Variants in TDRD9 observed in about 807,000 individuals in gnomAD.
TDRD9 encodes the protein ATP-dependent RNA helicase TDRD9.
In TDRD9, 124 loss-of-function variants were observed where a neutral mutation model predicts 172.6. That is an observed-to-expected ratio of 0.72 (90% CI 0.62 to 0.83). The LOEUF (loss-of-function observed/expected upper bound fraction) is 0.83, where lower values mean the gene tolerates loss of function less well. Among genes scored for constraint, TDRD9 ranks in the 40% least tolerant of loss-of-function variants. The pLI, the probability that TDRD9 is intolerant of heterozygous loss-of-function variation, is 0.00. For synonymous variants in TDRD9, 619 were observed against 617.1 expected (o/e 1.00, Z -0.05); for missense variants, 1,479 against 1,714.1 (o/e 0.86, Z 2.42).
At chr14:104,022,071 A>C (rs939602785) in intron 23 of TDRD9, 86 bp from the exon 24 acceptor site, 1 of 1,056,296 alleles carries the variant, frequency 9.5e-7, no homozygotes, top group Non-Finnish European at 1.4e-6. Context: ...GAGATGTGAC[A>C]GAATTTCTGT....
intron 24 of TDRD9, 148 bp downstream of exon 24, chr14:104,022,478 G>A: frequency 2.4e-6 from 2 of 830,656 alleles, no homozygotes; most frequent in Non-Finnish European, 3.7e-6. Flanking sequence ...CACTCATCCA[G>A]CACTTTGCGA....
rs1595897968 is a variant in TDRD9 at position 103,943,490 on chromosome 14, C to T, written c.216-12174C>T. Among the ~76,000 whole-genome samples, 3 of 148,332 alleles carry T rather than the reference C, an allele frequency of 2.0e-5. No individual in the cohort carries two copies. In the South Asian group the frequency reaches 6.3e-4, roughly 31 times the overall value. On this transcript the variant is annotated intron_variant, in intron 1 of 35. Transcript: ENST00000409874. ...AATATACACACATATATAATACACACATATATACACACACACATACATTTC... is the reference window on the plus strand; with the variant it reads ...AATATACACACATATATAATACACATATATATACACACACACATACATTTC...
At chr14:103,991,250 T>G (rs1041183602) in intron 9 of TDRD9, 26 bp downstream of exon 9, 2 of 1,612,934 alleles carry the variant, frequency 1.2e-6, no homozygotes, top group African/African-American at 2.7e-5. Flanking sequence ...TTTTGTGACT[T>G]GGAATCATAA....
intron 6 of TDRD9, among the ~76,000 whole-genome samples, chr14:103,973,528 T>C (rs970251625): frequency 6.6e-6 from 1 of 152,220 alleles, no homozygotes; most frequent in African/African-American, 2.4e-5. Context: ...GGGTGTCTGC[T>C]GACTTGCCTG....
At chr14:103,929,807 A>G (rs548792098) in intron 1 of TDRD9, among the ~76,000 whole-genome samples, 120 of 152,354 alleles carry the variant, frequency 7.9e-4, no homozygotes, top group African/African-American at 2.7e-3. Flanking sequence ...GGCGTGAGCC[A>G]CTGCGCCCGG....
rs574157358 is a variant in TDRD9 at position 103,977,861 on chromosome 14, G to A, written c.1011+2308G>A. 5.3e-5 allele frequency among the ~76,000 whole-genome samples: 8 copies of A among 151,452 alleles called. No homozygotes were observed. The East Asian group carries it at 9.7e-4, about 18-fold the overall frequency. On this transcript the variant is annotated intron_variant, in intron 7 of 35. Transcript: ENST00000409874. ...ATTTTTGTGTATATTGAGAGAGAGG[G>A]GTTTAGTTTTATTTTTCTGCATCTG...
intron 23 of TDRD9, among the ~76,000 whole-genome samples, chr14:104,019,754 C>T (rs765976485): frequency 6.6e-6 from 1 of 152,214 alleles, no homozygotes; most frequent in Non-Finnish European, 1.5e-5. Flanking sequence ...CATGTTCTCC[C>T]ATAAGAAGCT....
chr14:104,031,939 C>T, intron 29 of TDRD9, 78 bp from the exon 30 acceptor site: 3 of 939,586 alleles, frequency 3.2e-6, no homozygotes, highest in South Asian at 1.8e-5. Context: ...AAAGAATGAG[C>T]TGACTTTTGA....
In TDRD9 at chr14:104,006,433, C is replaced by T. The variant is rs760622586; in HGVS notation, c.1758C>T (p.Pro586=). The change falls in exon 16 of 36, where the codon CCC becomes CCT. Residue 586 remains proline, a synonymous_variant. Coordinates refer to ENST00000409874, the MANE Select transcript of TDRD9 (RefSeq NM_153046.3). ...GTGGGCAGAGAGAAGATGAAAACCC[C>T]CATGATGGTGAATTGACCTTCTTAG... ...AVSGQREDEN[P]HDGELTFLGR... The T allele has an allele frequency of 8.1e-6, 13 of 1,613,774 alleles. No homozygotes were observed. Among genetic ancestry groups the T allele is most frequent in the Admixed American group, 5.0e-5 (3 of 60,004 alleles).
At position 104,032,103 on chromosome 14, in the gene TDRD9, G is replaced by C. The variant is rs779682985; in HGVS notation, c.3509+16G>C. On this transcript the variant is annotated intron_variant, in intron 30 of 35. Transcript: ENST00000409874. Reference sequence around the variant, plus strand: ...CCAAATTCAGGTATGATTAACTTAAGTTTTCCATGAATTTTTTTTCTCTGC... The same window carrying C: ...CCAAATTCAGGTATGATTAACTTAACTTTTCCATGAATTTTTTTTCTCTGC... 41 of 1,515,220 alleles carry C rather than the reference G, an allele frequency of 2.7e-5. No individual in the cohort carries two copies. Among genetic ancestry groups the C allele is most frequent in the Non-Finnish European group, 3.6e-5 (41 of 1,124,152 alleles). 93.9% of individuals were successfully genotyped at this position (1,515,220 alleles called of 1,614,324 possible). A position where few individuals can be genotyped will look rare whatever the true frequency, so the allele number is the denominator to read the frequency against.
chr14:104,045,957 C>G (rs2035761737), intron 34 of TDRD9, among the ~76,000 whole-genome samples: 1 of 152,122 alleles, frequency 6.6e-6, no homozygotes, highest in African/African-American at 2.4e-5. Context: ...GACTAAGACA[C>G]TACTTTATCT....
At chr14:103,977,829 T>A (rs1185309274) in intron 7 of TDRD9, among the ~76,000 whole-genome samples, 1 of 152,162 alleles carries the variant, frequency 6.6e-6, no homozygotes, top group East Asian at 1.9e-4. Flanking sequence ...AAATCCATTT[T>A]GAGTTGATTT....
chr14:104,008,403 A>G lies in TDRD9; in HGVS notation c.2053-10A>G, dbSNP rs372442128. 1.2e-4 allele frequency: 173 copies of G among 1,424,194 alleles called. No individual in the cohort carries two copies. Among genetic ancestry groups the G allele is most frequent in the Non-Finnish European group, 1.6e-4 (162 of 1,011,220 alleles). 88.2% of individuals were successfully genotyped at this position (1,424,194 alleles called of 1,614,324 possible). A position where few individuals can be genotyped will look rare whatever the true frequency, so the allele number is the denominator to read the frequency against. ...TTAATATTGAGTATTCTGCTTTTAT[A>G]TATTTAAAGGATGAACTTAATTGGG... On this transcript the variant is annotated splice_polypyrimidine_tract_variant and intron_variant, in intron 19 of 35. Transcript: ENST00000409874.
At chr14:103,962,807 G>A (rs1425869398) in intron 2 of TDRD9, among the ~76,000 whole-genome samples, 1 of 152,090 alleles carries the variant, frequency 6.6e-6, no homozygotes, top group Non-Finnish European at 1.5e-5. Flanking sequence ...CAAAGGACAT[G>A]ATTTCATTCT....
At chr14:104,033,439 C>CAGCT (rs1566797341) in intron 30 of TDRD9, among the ~76,000 whole-genome samples, 1 of 152,208 alleles carries the variant, frequency 6.6e-6, no homozygotes, top group East Asian at 1.9e-4. Flanking sequence ...GATACAGAAA[C>CAGCT]AGCTTCACCA....
chr14:104,000,896 GTATATTCAAAATTTC>G (rs1217092669), intron 13 of TDRD9, among the ~76,000 whole-genome samples: 1 of 152,130 alleles, frequency 6.6e-6, no homozygotes, highest in Non-Finnish European at 1.5e-5. Context: ...CTACCTTTTT[GTATATTCAAAATTTC>G]TATAATTAGA....
At position 103,971,172 on chromosome 14, in the gene TDRD9, G is replaced by A. The variant is rs111966813; in HGVS notation, c.846+551G>A. ...CTAATTTTTTGTATTTTTAGTAGAG[G>A]CGGGGTTTCATCGTGTTAGCCAGGA... On this transcript the variant is annotated intron_variant, in intron 6 of 35. Transcript: ENST00000409874. Among the ~76,000 whole-genome samples, 723 of 150,382 alleles carry A rather than the reference G, an allele frequency of 4.8e-3. 2 individuals carry two copies. Among genetic ancestry groups the A allele is most frequent in the Non-Finnish European group, 6.7e-3 (452 of 67,662 alleles).
chr14:103,996,241 T>G (rs560731160), intron 12 of TDRD9, among the ~76,000 whole-genome samples: 8 of 152,338 alleles, frequency 5.3e-5, no homozygotes, highest in South Asian at 2.1e-4. Flanking sequence ...GTGAGATTGC[T>G]TCATCAATGA....
chr14:104,018,253 C>T, intron 23 of TDRD9, 61 bp downstream of exon 23: 7 of 1,089,254 alleles, frequency 6.4e-6, no homozygotes, highest in Non-Finnish European at 8.1e-6. Context: ...CAAATGTTTC[C>T]AGACGCTGAT....
Sources: allele counts gnomAD v4.1 joint callset (sites outside exome capture counted in the v4.1 genomes callset), GRCh38; gene constraint gnomAD v4.1.1; transcripts MANE v1.5; gene names NCBI Gene and HGNC (gene_info 2026-07-23, HGNC 2026-07-21).